The following PRKCB variants were observed in gnomAD, a reference collection of about 807,000 sequenced individuals.
PRKCB encodes the protein protein kinase C beta.
PRKCB carries 13 observed loss-of-function variants against 81.5 expected under a neutral mutation model. The observed-to-expected ratio is 0.16, with a 90% CI of 0.10 to 0.25. The LOEUF (loss-of-function observed/expected upper bound fraction) is 0.25, where lower values mean the gene tolerates loss of function less well. Among genes scored for constraint, PRKCB ranks in the 10% least tolerant of loss-of-function variants. PRKCB has a pLI of 1.00. For missense variants in PRKCB, 509 were observed against 875.7 expected (o/e 0.58, Z 5.29); for synonymous variants, 335 against 321.4 (o/e 1.04, Z -0.45).
rs1968216914 is a variant in PRKCB, at chr16:24,215,677, C to A, written c.*861C>A. 1 of 984,948 alleles carries A rather than the reference C, an allele frequency of 1.0e-6. No individual in the cohort carries two copies. Among genetic ancestry groups the A allele is most frequent in the East Asian group, 1.1e-4 (1 of 8,812 alleles). The allele number at this position is 984,948 out of a possible 1,614,324, so 61.0% of individuals were successfully genotyped here. ...AAAAAAGAAAAAAAAAGGTGACTCA[C>A]ATTGTTACACATGCTTTAAAATATG... is the stretch of plus-strand genomic sequence containing the variant. On this transcript the variant is annotated 3_prime_UTR_variant, in exon 17 of 17. Transcript: ENST00000643927.
Position 24,219,931 on chromosome 16 carries a change from G to C in PRKCB, c.*5115G>C, listed in dbSNP as rs41278144. ...GGTCCTGTGTCTTTCTTCTTACGCT[G>C]TGTTAATGTGTTTACTTTCCATTTG... On this transcript the variant is annotated 3_prime_UTR_variant, in exon 17 of 17. Transcript: ENST00000643927. 1.2e-6 allele frequency: 2 copies of C among 1,612,374 alleles called. No homozygotes were observed. Among genetic ancestry groups the C allele is most frequent in the African/African-American group, 2.7e-5 (2 of 74,974 alleles).
At chr16:23,856,478 A>G (rs1962569419) in intron 2 of PRKCB, among the ~76,000 whole-genome samples, 1 of 152,158 alleles carries the variant, frequency 6.6e-6, no homozygotes, top group South Asian at 2.1e-4. Flanking sequence ...GCAGAACAGA[A>G]AATATCACAG....
At chr16:23,878,010 T>A (rs1029042825) in intron 2 of PRKCB, among the ~76,000 whole-genome samples, 1 of 152,038 alleles carries the variant, frequency 6.6e-6, no homozygotes, top group Non-Finnish European at 1.5e-5. Flanking sequence ...ATTTTTGCAT[T>A]TTTAGTAGAG....
chr16:24,172,146 C>T, intron 10 of PRKCB, 124 bp from the exon 11 acceptor site: 2 of 706,630 alleles, frequency 2.8e-6, no homozygotes, highest in Non-Finnish European at 5.0e-6. Context: ...GGAAGCCCAG[C>T]AAACAGGGAT....
intron 2 of PRKCB, among the ~76,000 whole-genome samples, chr16:23,902,241 C>T (rs1160005891): frequency 6.6e-6 from 1 of 151,914 alleles, no homozygotes; most frequent in African/African-American, 2.4e-5. Context: ...TCCAAGAAGA[C>T]AATGAAAAAA....
At chr16:24,071,301 A>G (rs1261438445) in intron 5 of PRKCB, among the ~76,000 whole-genome samples, 1 of 151,960 alleles carries the variant, frequency 6.6e-6, no homozygotes, top group African/African-American at 2.4e-5. Flanking sequence ...TCTTCTCTGC[A>G]TTGCCTTGAA....
At chr16:24,155,688 A>G (rs192165928) in intron 10 of PRKCB, among the ~76,000 whole-genome samples, 71 of 152,304 alleles carry the variant, frequency 4.7e-4, no homozygotes, top group African/African-American at 1.4e-3. Context: ...CAACCCATAT[A>G]TGAGATGGGA....
intron 2 of PRKCB, among the ~76,000 whole-genome samples, chr16:23,853,504 G>A (rs11074582): frequency 0.21 from 31,801 of 152,196 alleles, 3,445 homozygotes; most frequent in East Asian, 0.33. Context: ...GGGACATGTC[G>A]ACTAGCTCTA....
intron 5 of PRKCB, among the ~76,000 whole-genome samples, chr16:24,078,504 A>G (rs776462508): frequency 1.3e-5 from 2 of 152,178 alleles, no homozygotes; most frequent in African/African-American, 2.4e-5. Context: ...CTCAGGGCCA[A>G]CCTGAGGGGA....
At chr16:24,212,235 A>T (rs556737176) in intron 16 of PRKCB, among the ~76,000 whole-genome samples, 1 of 152,082 alleles carries the variant, frequency 6.6e-6, no homozygotes, top group African/African-American at 2.4e-5. Context: ...TTTAAGGAGC[A>T]TTTTTATCAT....
intron 2 of PRKCB, among the ~76,000 whole-genome samples, chr16:23,903,397 A>G (rs1181255747): frequency 6.6e-6 from 1 of 152,102 alleles, no homozygotes; most frequent in Non-Finnish European, 1.5e-5. Flanking sequence ...GTATTACCAC[A>G]TCATTTCCCC....
intron 5 of PRKCB, among the ~76,000 whole-genome samples, chr16:24,043,935 A>G (rs1379138080): frequency 6.6e-6 from 1 of 152,242 alleles, no homozygotes; most frequent in African/African-American, 2.4e-5. Context: ...CTTAAAATGA[A>G]ACACCAGCGT....
At position 24,172,284 on chromosome 16, in the gene PRKCB, T is replaced by G; in HGVS notation, c.1254T>G (p.Phe418Leu). The change falls in exon 11 of 17, where the codon TTT becomes TTG. Residue 418 changes from phenylalanine to leucine, a missense_variant. Transcript: ENST00000643927. ...TCCTCTTCCAGGACCGCCTGTACTT[T>G]GTGATGGAGTACGTGAATGGGGGCG... ...SCFQTMDRLY[F>L]VMEYVNGGDL... 6.2e-7 allele frequency: 1 copy of G among 1,613,978 alleles called. No homozygotes were observed. The highest frequency in any genetic ancestry group is 1.6e-4 in the Middle Eastern group (1 of 6,062).
At chr16:23,874,672 C>T (rs946389736) in intron 2 of PRKCB, among the ~76,000 whole-genome samples, 4 of 146,698 alleles carry the variant, frequency 2.7e-5, no homozygotes, top group Non-Finnish European at 6.0e-5. Context: ...TTTTAAAAAA[C>T]TAAAAACCAA....
intron 2 of PRKCB, among the ~76,000 whole-genome samples, chr16:23,886,406 G>GTTT (rs398029038): frequency 0.019 from 1,356 of 70,188 alleles, 130 homozygotes; most frequent in African/African-American, 0.033. Flanking sequence ...TGTGTTAGGT[G>GTTT]TTTTTTTTTT....
At chr16:23,940,567 CA>C (rs2141768033) in intron 2 of PRKCB, among the ~76,000 whole-genome samples, 1 of 151,728 alleles carries the variant, frequency 6.6e-6, no homozygotes, top group South Asian at 2.1e-4. Flanking sequence ...CAGAACAAAG[CA>C]AAGCAAACAA....
intron 2 of PRKCB, among the ~76,000 whole-genome samples, chr16:23,874,482 A>G (rs1351181759): frequency 6.6e-6 from 1 of 152,186 alleles, no homozygotes; most frequent in African/African-American, 2.4e-5. Flanking sequence ...GAGTTTTTAT[A>G]AGCATACAAA....
chr16:24,124,095 T>C, intron 9 of PRKCB, 114 bp downstream of exon 9: 2 of 1,224,964 alleles, frequency 1.6e-6, no homozygotes, highest in Non-Finnish European at 1.2e-6. Context: ...AAGAAGTAAA[T>C]AGAGCCACAC....
intron 7 of PRKCB, among the ~76,000 whole-genome samples, chr16:24,104,093 C>A (rs1469532794): frequency 6.6e-6 from 1 of 152,210 alleles, no homozygotes; most frequent in African/African-American, 2.4e-5. Flanking sequence ...ATGTGAGACA[C>A]CACGCCCAGC....
Sources: allele counts gnomAD v4.1 joint callset (sites outside exome capture counted in the v4.1 genomes callset), GRCh38; gene constraint gnomAD v4.1.1; transcripts MANE v1.5; gene names NCBI Gene and HGNC (gene_info 2026-07-23, HGNC 2026-07-21).